The following TRA2B variants were observed in gnomAD, a reference collection of about 807,000 sequenced individuals.
TRA2B encodes the protein transformer-2 protein homolog beta.
TRA2B carries 14 observed loss-of-function variants against 41.7 expected under a neutral mutation model. The observed-to-expected ratio is 0.34, with a 90% CI of 0.22 to 0.53. The LOEUF (loss-of-function observed/expected upper bound fraction) is 0.53, where lower values mean the gene tolerates loss of function less well. Ranked by LOEUF, TRA2B falls within the 20% of genes least tolerant of loss-of-function variation. TRA2B has a pLI of 0.95. For missense variants in TRA2B, 167 were observed against 396.8 expected, an observed-to-expected ratio of 0.42 and a Z score of 4.92; for synonymous variants, 130 against 128.8, an observed-to-expected ratio of 1.01 and a Z score of -0.06.
rs560149719 is a variant in TRA2B, at chr3:185,937,475, G to C, written c.36+350C>G. The C allele has an allele frequency of 1.1e-4, 117 of 1,068,146 alleles. No individual in the cohort carries two copies. In the African/African-American group the frequency reaches 1.7e-3, roughly 16 times the overall value. 66.2% of individuals were successfully genotyped at this position (1,068,146 alleles called of 1,614,324 possible). A position where few individuals can be genotyped will look rare whatever the true frequency, so the allele number is the denominator to read the frequency against. On this transcript the variant is annotated intron_variant, in intron 1 of 8. Coordinates refer to ENST00000453386, the MANE Select transcript of TRA2B (RefSeq NM_004593.3). ...CAGCCCGCCAGCCCAAGATGGCTGC[G>C]GCGGACCTTCGCAGGAGAGCAACGC...
chr3:185,925,323 A>G lies in TRA2B; in HGVS notation c.333+141T>C, dbSNP rs556470602. On this transcript the variant is annotated intron_variant, in intron 3 of 8. Coordinates refer to ENST00000453386, the MANE Select transcript of TRA2B (RefSeq NM_004593.3). ...CCGTCATGGAAGATTAACTTAAAAG[A>G]CTCTCTCAAAACACTAAAAAAGCCT... is the stretch of plus-strand genomic sequence containing the variant. The G allele has an allele frequency of 1.8e-5, 17 of 950,700 alleles. No individual in the cohort carries two copies. The African/African-American group carries it at 2.7e-4, about 15-fold the overall frequency. 58.9% of individuals were successfully genotyped at this position (950,700 alleles called of 1,614,324 possible).
chr3:185,918,708 T>C (rs1238523821), intron 7 of TRA2B, among the ~76,000 whole-genome samples: 1 of 152,158 alleles, frequency 6.6e-6, no homozygotes. Flanking sequence ...TAAGAGAGTT[T>C]TGTAAAAGAA....
chr3:185,917,694 G>A lies in TRA2B; in HGVS notation c.*21C>T. The A allele has an allele frequency of 1.2e-6, 2 of 1,612,760 alleles. No individual in the cohort carries two copies. The highest frequency in any genetic ancestry group is 2.2e-5 in the East Asian group (1 of 44,838). ...AAACAATATCCCAGCTCTAGGGCAG[G>A]TTTCAGAAAGTCTTCATGCTTTAAT... is the stretch of plus-strand genomic sequence containing the variant. On this transcript the variant is annotated 3_prime_UTR_variant, in exon 9 of 9. Coordinates refer to ENST00000453386, the MANE Select transcript of TRA2B (RefSeq NM_004593.3).
Position 185,926,876 on chromosome 3 carries a change from C to G in TRA2B, c.37-142G>C, listed in dbSNP as rs1443252153. ...TAGGTAAGGGCAGGAACTGAATATA[C>G]CTGGTGTTAATAGTTTCATTGCTCC... is the stretch of plus-strand genomic sequence containing the variant. On this transcript the variant is annotated intron_variant, in intron 1 of 8. Transcript: ENST00000453386. The G allele has an allele frequency of 4.2e-6, 4 of 942,672 alleles. No homozygotes were observed. In the East Asian group the frequency reaches 1.1e-4, roughly 26 times the overall value. The allele number at this position is 942,672 out of a possible 1,614,324, so 58.4% of individuals were successfully genotyped here.
At position 185,921,255 on chromosome 3, in the gene TRA2B, T is replaced by C. The variant is rs1023190379; in HGVS notation, c.639-68A>G. On this transcript the variant is annotated intron_variant, in intron 5 of 8. Coordinates refer to ENST00000453386, the MANE Select transcript of TRA2B (RefSeq NM_004593.3). ...GGACATGAGTTTTTATATCTACTAG[T>C]AGGCCTTTTCTGACACATTAACTGG... 26 of 1,363,858 alleles carry C rather than the reference T, an allele frequency of 1.9e-5. No homozygotes were observed. The African/African-American group carries it at 2.9e-4, about 15-fold the overall frequency. 84.5% of individuals were successfully genotyped at this position (1,363,858 alleles called of 1,614,324 possible). A position where few individuals can be genotyped will look rare whatever the true frequency, so the allele number is the denominator to read the frequency against.
intron 4 of TRA2B, 200 bp from the exon 5 acceptor site, chr3:185,922,326 T>G (rs1743774161): frequency 2.4e-6 from 1 of 415,256 alleles, no homozygotes; most frequent in Non-Finnish European, 4.3e-6. Context: ...CATAAAAACT[T>G]GAAACAATTA....
At position 185,917,620 on chromosome 3, in the gene TRA2B, T is replaced by C. The variant is rs1743549426; in HGVS notation, c.*95A>G. Reference sequence around the variant, plus strand: ...AGGTGTAAAAGTCACCTAACTTCACTAGGCACTGTTCACTTTTTAAACAAG... The same window carrying C: ...AGGTGTAAAAGTCACCTAACTTCACCAGGCACTGTTCACTTTTTAAACAAG... On this transcript the variant is annotated 3_prime_UTR_variant, in exon 9 of 9. Coordinates refer to ENST00000453386, the MANE Select transcript of TRA2B (RefSeq NM_004593.3). The C allele has an allele frequency of 7.3e-7, 1 of 1,378,436 alleles. No individual in the cohort carries two copies. The highest frequency in any genetic ancestry group is 1.0e-6 in the Non-Finnish European group (1 of 979,600). The allele number at this position is 1,378,436 out of a possible 1,614,324, so 85.4% of individuals were successfully genotyped here.
chr3:185,928,683 A>G (rs1578482116), intron 1 of TRA2B: 1 of 152,240 alleles, frequency 6.6e-6, no homozygotes, highest in South Asian at 2.1e-4. Flanking sequence ...CTCCAACACT[A>G]GAAAGATTAC....
chr3:185,925,399 G>T (rs941060961), intron 3 of TRA2B, 65 bp downstream of exon 3: 1 of 1,568,690 alleles, frequency 6.4e-7, no homozygotes, highest in Admixed American at 1.8e-5. Flanking sequence ...GTCAAAATCA[G>T]CTCTAACTTT....
At chr3:185,926,562 C>A (rs756534433) in intron 2 of TRA2B, 39 bp downstream of exon 2, 12 of 1,611,278 alleles carry the variant, frequency 7.4e-6, no homozygotes, top group Non-Finnish European at 1.0e-5. Context: ...AATTTCAGAG[C>A]TAAGAGTAAC....
At chr3:185,921,277 C>T (rs1026309747) in intron 5 of TRA2B, 90 bp from the exon 6 acceptor site, 3 of 1,093,050 alleles carry the variant, frequency 2.7e-6, no homozygotes, top group Non-Finnish European at 2.8e-6. Flanking sequence ...GACACATTAA[C>T]TGGAAAATGA....
chr3:185,920,067 A>T (rs910145761), intron 6 of TRA2B, among the ~76,000 whole-genome samples: 3 of 152,196 alleles, frequency 2.0e-5, no homozygotes, highest in Non-Finnish European at 2.9e-5. Flanking sequence ...ATTCTCAAAG[A>T]TATCTTTATT....
At chr3:185,928,188 A>C (rs1231735445) in intron 1 of TRA2B, 1 of 152,198 alleles carries the variant, frequency 6.6e-6, no homozygotes, top group South Asian at 2.1e-4. Context: ...TTTGATGCTC[A>C]GGGAAAACAT....
chr3:185,916,633 T>C lies in TRA2B; in HGVS notation c.*1082A>G, dbSNP rs1167904968. ...ATCCCCCCCTCAACCCAGCCCAAAA[T>C]AGCAAAGATACACCTCAGCCCAAGG... On this transcript the variant is annotated 3_prime_UTR_variant, in exon 9 of 9. Transcript: ENST00000453386. 1 of 152,364 alleles carries C rather than the reference T, an allele frequency of 6.6e-6. No individual in the cohort carries two copies. Among genetic ancestry groups the C allele is most frequent in the Non-Finnish European group, 1.5e-5 (1 of 67,996 alleles). 9.4% of individuals were successfully genotyped at this position (152,364 alleles called of 1,614,324 possible). A position where few individuals can be genotyped will look rare whatever the true frequency, so the allele number is the denominator to read the frequency against.
chr3:185,934,540 G>C (rs1173401787), intron 1 of TRA2B: 2 of 985,084 alleles, frequency 2.0e-6, no homozygotes, highest in Admixed American at 6.2e-5. Flanking sequence ...ATTTCAACCG[G>C]GTTTCAAGAG....
In TRA2B at chr3:185,937,549, C is replaced by A. The variant is rs1471523458; in HGVS notation, c.36+276G>T. On this transcript the variant is annotated intron_variant, in intron 1 of 8. Transcript: ENST00000453386. ...CCCCAACACCGCGGGGACGCAGCGG[C>A]CATTTTCATCTTCCCCCTCTTATAA... 4 of 969,974 alleles carry A rather than the reference C, an allele frequency of 4.1e-6. No individual in the cohort carries two copies. In the African/African-American group the frequency reaches 6.7e-5, roughly 16 times the overall value. The allele number at this position is 969,974 out of a possible 1,614,324, so 60.1% of individuals were successfully genotyped here. A position where few individuals can be genotyped will look rare whatever the true frequency, so the allele number is the denominator to read the frequency against.
intron 1 of TRA2B, chr3:185,931,990 T>A: frequency 1.7e-6 from 1 of 581,996 alleles, no homozygotes; most frequent in Non-Finnish European, 2.6e-6. Flanking sequence ...AATATGCAGC[T>A]CAAAAAACTG....
intron 1 of TRA2B, among the ~76,000 whole-genome samples, chr3:185,929,408 T>A (rs1032492388): frequency 6.6e-6 from 1 of 152,100 alleles, no homozygotes; most frequent in African/African-American, 2.4e-5. Flanking sequence ...CTCTCAGGGC[T>A]GACATGGTCA....
chr3:185,925,926 C>T (rs780702141), intron 2 of TRA2B, among the ~76,000 whole-genome samples: 9 of 152,188 alleles, frequency 5.9e-5, no homozygotes, highest in Non-Finnish European at 1.3e-4. Context: ...CATCTTTCCC[C>T]CTCAGAAGAC....
Sources: gnomAD v4.1 joint callset for allele counts (sites outside exome capture counted in the v4.1 genomes callset) on GRCh38, gnomAD v4.1.1 for gene constraint, MANE v1.5 for transcripts, NCBI Gene and HGNC (gene_info 2026-07-23, HGNC 2026-07-21) for gene names.